Variants in TPGS2 observed in about 807,000 individuals in gnomAD.
TPGS2 encodes polyglutamylase subunit 2.
A neutral mutation model predicts 31.1 loss-of-function variants in TPGS2; 26 were observed. That is an observed-to-expected ratio of 0.84 (90% CI 0.61 to 1.16). TPGS2 has a LOEUF of 1.16. TPGS2 is among the 50% of genes most tolerant of loss of function. The pLI, the probability that TPGS2 is intolerant of heterozygous loss-of-function variation, is 0.00. For synonymous variants in TPGS2, 130 were observed against 136.6 expected (o/e 0.95, Z 0.34); for missense variants, 351 against 363.8 (o/e 0.96, Z 0.29).
At chr18:36,782,727 A>C (rs1222887179), downstream of TPGS2, among the ~76,000 whole-genome samples, 1 of 152,202 alleles carries the variant, frequency 6.6e-6, no homozygotes, top group Non-Finnish European at 1.5e-5. Context: ...GTTTGAGCAA[A>C]GCTGCCTTCA....
In TPGS2 at chr18:36,805,362, G is replaced by C. The variant is rs751359617; in HGVS notation, c.382+12C>G. ...GCTGGAAACAAAGATACCAACCTTGGTATCTTCCTACCTTCATGTGTATCG... is the reference window on the plus strand; with the variant it reads ...GCTGGAAACAAAGATACCAACCTTGCTATCTTCCTACCTTCATGTGTATCG... On this transcript the variant is annotated intron_variant, in intron 4 of 6. Coordinates refer to ENST00000334295, the MANE Select transcript of TPGS2 (RefSeq NM_015476.4). 6.2e-7 allele frequency: 1 copy of C among 1,613,400 alleles called. No homozygotes were observed. Among genetic ancestry groups the C allele is most frequent in the South Asian group, 1.1e-5 (1 of 91,048 alleles).
chr18:36,795,386 T>A lies in TPGS2; in HGVS notation c.*1419A>T. ...GCCAGCTGGGACTGAAGTGTGCAGA[T>A]GGTAGAGGCCCCTGCACCTCATTCC... On this transcript the variant is annotated 3_prime_UTR_variant, in exon 7 of 7. Coordinates refer to ENST00000334295, the MANE Select transcript of TPGS2 (RefSeq NM_015476.4). The A allele has an allele frequency of 1.0e-6, 1 of 985,386 alleles. No homozygotes were observed. The highest frequency in any genetic ancestry group is 1.2e-6 in the Non-Finnish European group (1 of 829,942). The allele number at this position is 985,386 out of a possible 1,614,324, so 61.0% of individuals were successfully genotyped here. A position where few individuals can be genotyped will look rare whatever the true frequency, so the allele number is the denominator to read the frequency against.
At chr18:36,815,067 G>C (rs1303119533) in intron 2 of TPGS2, among the ~76,000 whole-genome samples, 1 of 152,236 alleles carries the variant, frequency 6.6e-6, no homozygotes, top group African/African-American at 2.4e-5. Flanking sequence ...AGGTACACCA[G>C]ATGGAGGCTG....
In TPGS2 at chr18:36,823,406, C is replaced by G. The variant is rs114534003; in HGVS notation, c.86-4433G>C. Among the ~76,000 whole-genome samples, 1,221 of 151,326 alleles carry G rather than the reference C, an allele frequency of 8.1e-3. 20 individuals are homozygous for G. Among genetic ancestry groups the G allele is most frequent in the African/African-American group, 0.028 (1,143 of 41,100 alleles). On this transcript the variant is annotated intron_variant, in intron 1 of 6. Transcript: ENST00000334295. ...CCATGCATCTTCAAGTCAGCAACAGCGTAACAGATTCTTTTCCTACCTCAA... is the reference window on the plus strand; with the variant it reads ...CCATGCATCTTCAAGTCAGCAACAGGGTAACAGATTCTTTTCCTACCTCAA...
At chr18:36,800,111 G>A in intron 5 of TPGS2, 87 bp downstream of exon 5, 2 of 1,155,154 alleles carry the variant, frequency 1.7e-6, no homozygotes, top group Admixed American at 1.9e-5. Flanking sequence ...GGCCAAGGAG[G>A]TATGTGTCTC....
intron 5 of TPGS2, 41 bp downstream of exon 5, chr18:36,800,157 C>G (rs1427093912): frequency 6.3e-7 from 1 of 1,580,680 alleles, no homozygotes; most frequent in South Asian, 1.1e-5. Context: ...CAGGCAAGAC[C>G]CTAGCCAAAC....
At position 36,795,256 on chromosome 18, in the gene TPGS2, G is replaced by A; in HGVS notation, c.*1549C>T. Reference sequence around the variant, plus strand: ...CCTGTGGACTGCTCTTAGTTCCCCAGTGGGTTTGGAAGAGGGAAACCCTGG... The same window carrying A: ...CCTGTGGACTGCTCTTAGTTCCCCAATGGGTTTGGAAGAGGGAAACCCTGG... On this transcript the variant is annotated 3_prime_UTR_variant, in exon 7 of 7. Coordinates refer to ENST00000334295, the MANE Select transcript of TPGS2 (RefSeq NM_015476.4). The A allele has an allele frequency of 3.0e-6, 3 of 985,434 alleles. No homozygotes were observed. The highest frequency in any genetic ancestry group is 3.6e-6 in the Non-Finnish European group (3 of 829,952). The allele number at this position is 985,434 out of a possible 1,614,324, so 61.0% of individuals were successfully genotyped here. A position where few individuals can be genotyped will look rare whatever the true frequency, so the allele number is the denominator to read the frequency against.
At chr18:36,783,033 C>T in exon 7 of TPGS2, 1 of 398,442 alleles carries the variant, frequency 2.5e-6, no homozygotes, top group Non-Finnish European at 4.4e-6. Flanking sequence ...CCAGTGAGTC[C>T]CGGGAGCTCT....
At chr18:36,825,376 G>T (rs552013147) in intron 1 of TPGS2, among the ~76,000 whole-genome samples, 2 of 148,214 alleles carry the variant, frequency 1.3e-5, no homozygotes, top group African/African-American at 5.0e-5. Flanking sequence ...AGCTTGCAGC[G>T]AGTGAAGAGC....
In TPGS2 at chr18:36,795,032, G is replaced by GAAC; in HGVS notation, c.*1770_*1772dup. The GAAC allele has an allele frequency of 1.0e-6, 1 of 985,402 alleles. No homozygotes were observed. Among genetic ancestry groups the GAAC allele is most frequent in the Non-Finnish European group, 1.2e-6 (1 of 829,938 alleles). The allele number at this position is 985,402 out of a possible 1,614,324, so 61.0% of individuals were successfully genotyped here. A position where few individuals can be genotyped will look rare whatever the true frequency, so the allele number is the denominator to read the frequency against. On this transcript the variant is annotated 3_prime_UTR_variant, in exon 7 of 7. Coordinates refer to ENST00000334295, the MANE Select transcript of TPGS2 (RefSeq NM_015476.4). Reference sequence around the variant, plus strand: ...TTAAGCGCTGATATTTCAAGACTTTGAACTATTACAAATATGGGGAAGCAG... The same window carrying GAAC: ...TTAAGCGCTGATATTTCAAGACTTTGAACAACTATTACAAATATGGGGAAGCAG...
chr18:36,794,944 C>T lies in TPGS2; in HGVS notation c.*1861G>A, dbSNP rs980691410. 4 of 984,860 alleles carry T rather than the reference C, an allele frequency of 4.1e-6. No individual in the cohort carries two copies. The highest frequency in any genetic ancestry group is 3.5e-5 in the African/African-American group (2 of 57,014). The allele number at this position is 984,860 out of a possible 1,614,324, so 61.0% of individuals were successfully genotyped here. A position where few individuals can be genotyped will look rare whatever the true frequency, so the allele number is the denominator to read the frequency against. Reference sequence around the variant, plus strand: ...TTGGGATTGAAAAGGTAAGAGGTCTCGCTATTTTAAAGCAAATGAAGAAGC... The same window carrying T: ...TTGGGATTGAAAAGGTAAGAGGTCTTGCTATTTTAAAGCAAATGAAGAAGC... On this transcript the variant is annotated 3_prime_UTR_variant, in exon 7 of 7. Coordinates refer to ENST00000334295, the MANE Select transcript of TPGS2 (RefSeq NM_015476.4).
chr18:36,782,576 C>A (rs1369290392), downstream of TPGS2, among the ~76,000 whole-genome samples: 1 of 151,786 alleles, frequency 6.6e-6, no homozygotes, highest in Admixed American at 6.5e-5. Flanking sequence ...TATTTTTTTT[C>A]TCTCTCTTTT....
At chr18:36,807,785 C>A in intron 3 of TPGS2, 62 bp downstream of exon 3, 1 of 1,512,946 alleles carries the variant, frequency 6.6e-7, no homozygotes, top group Non-Finnish European at 9.1e-7. Flanking sequence ...GAAGGGCCCT[C>A]AGAGTTGTCC....
chr18:36,817,679 C>T (rs1370005187), intron 2 of TPGS2: 1 of 152,266 alleles, frequency 6.6e-6, no homozygotes, highest in Non-Finnish European at 1.5e-5. Flanking sequence ...CTCAAGCAAT[C>T]CTCTGCCCTG....
At position 36,828,736 on chromosome 18, in the gene TPGS2, C is replaced by A; in HGVS notation, c.32G>T (p.Gly11Val). The change falls in exon 1 of 7, where the codon GGC becomes GTC. Residue 11 changes from glycine to valine, a missense_variant. Gly to Val is a moderately radical substitution (Grantham distance 109, BLOSUM62 -3). Coordinates refer to ENST00000334295, the MANE Select transcript of TPGS2 (RefSeq NM_015476.4). ...CTTCTCCAGGTGCGGCTTGCTGCAG[C>A]CCAGCCCCGGGGACGATGCCTCCTC... MEEEASSPGLGCSKPHLEKLT... is the reference protein window; with the variant it reads MEEEASSPGLVCSKPHLEKLT... 6.2e-7 allele frequency: 1 copy of A among 1,614,070 alleles called. No homozygotes were observed. The highest frequency in any genetic ancestry group is 8.5e-7 in the Non-Finnish European group (1 of 1,179,998).
In TPGS2 at chr18:36,795,360, A is replaced by G; in HGVS notation, c.*1445T>C. 1.0e-6 allele frequency: 1 copy of G among 985,480 alleles called. No individual in the cohort carries two copies. The highest frequency in any genetic ancestry group is 1.2e-6 in the Non-Finnish European group (1 of 830,008). 61.0% of individuals were successfully genotyped at this position (985,480 alleles called of 1,614,324 possible). On this transcript the variant is annotated 3_prime_UTR_variant, in exon 7 of 7. Coordinates refer to ENST00000334295, the MANE Select transcript of TPGS2 (RefSeq NM_015476.4). ...TAGAGAGAAGTCAGGAAAGAGAATG[A>G]GCCAGCTGGGACTGAAGTGTGCAGA...
Position 36,794,429 on chromosome 18 carries a change from TG to T in TPGS2, c.*2375del. 1 of 985,552 alleles carries T rather than the reference TG, an allele frequency of 1.0e-6. No homozygotes were observed. The highest frequency in any genetic ancestry group is 1.2e-6 in the Non-Finnish European group (1 of 829,962). The allele number at this position is 985,552 out of a possible 1,614,324, so 61.1% of individuals were successfully genotyped here. A position where few individuals can be genotyped will look rare whatever the true frequency, so the allele number is the denominator to read the frequency against. ...TTGCCACAGATTTGAGTGACACCGC[TG>T]ACCTCCTGGTTCCTCCGCTGCTTCA... On this transcript the variant is annotated 3_prime_UTR_variant, in exon 7 of 7. Transcript: ENST00000334295.
chr18:36,802,875 C>A (rs1191686913), intron 4 of TPGS2, among the ~76,000 whole-genome samples: 2 of 152,174 alleles, frequency 1.3e-5, no homozygotes, highest in African/African-American at 2.4e-5. Context: ...ATTCGCCCCC[C>A]TCGGCCTCCC....
At chr18:36,792,330 A>C (rs569596774), downstream of TPGS2, among the ~76,000 whole-genome samples, 1 of 152,342 alleles carries the variant, frequency 6.6e-6, no homozygotes, top group South Asian at 2.1e-4. Flanking sequence ...ATGCCTGGTC[A>C]TGAGTTGACA....
Sources: allele counts gnomAD v4.1 joint callset (sites outside exome capture counted in the v4.1 genomes callset), GRCh38; gene constraint gnomAD v4.1.1; transcripts MANE v1.5; gene names NCBI Gene and HGNC (gene_info 2026-07-23, HGNC 2026-07-21).